Variants in AKAP6 observed in about 807,000 individuals in gnomAD.
AKAP6 encodes the protein A-kinase anchoring protein 6, also known as A-kinase anchor protein 6.
Under a neutral mutation model 188.5 loss-of-function variants are expected in AKAP6, and 58 were observed. The ratio of observed to expected loss-of-function variants is 0.31; its 90% confidence interval spans 0.25 to 0.38. The LOEUF is 0.38. Among genes scored for constraint, AKAP6 ranks in the 10% least tolerant of loss-of-function variants. The pLI is 1.00. For missense variants in AKAP6, 2,710 were observed against 2,740.0 expected, an observed-to-expected ratio of 0.99 and a Z score of 0.24; for synonymous variants, 989 against 998.6, an observed-to-expected ratio of 0.99 and a Z score of 0.18.
At chr14:32,351,264 G>A (rs1315097444) in intron 1 of AKAP6, among the ~76,000 whole-genome samples, 1 of 152,096 alleles carries the variant, frequency 6.6e-6, no homozygotes, top group Non-Finnish European at 1.5e-5. Context: ...TGTTATATTA[G>A]TCAAAATTAT....
intron 4 of AKAP6, among the ~76,000 whole-genome samples, chr14:32,552,532 AG>A (rs1883521488): frequency 1.3e-5 from 2 of 152,206 alleles, no homozygotes; most frequent in Admixed American, 6.5e-5. Context: ...ATAAAGACTA[AG>A]GGGAAAAAAC....
intron 2 of AKAP6, among the ~76,000 whole-genome samples, chr14:32,502,743 A>G (rs1470542909): frequency 1.3e-5 from 2 of 152,102 alleles, no homozygotes; most frequent in African/African-American, 4.8e-5. Context: ...AACTTTATAC[A>G]CCATGAAGAT....
In AKAP6 at chr14:32,773,831, G is replaced by A; in HGVS notation, c.3526G>A (p.Ala1176Thr). ...TGTAAATCTTGAAAGAAGGTGGGAA[G>A]CCATTGTCATGCAAGCCGTCCAGTG... The part of the protein sequence containing the change: ...IIVNLERRWE[A>T]IVMQAVQWQT... Residue 1176 changes from alanine (A) to threonine (T), a missense_variant, in exon 12 of 14, where the codon GCC becomes ACC. Transcript: ENST00000280979. The A allele has an allele frequency of 6.2e-7, 1 of 1,614,134 alleles. No homozygotes were observed. Among genetic ancestry groups the A allele is most frequent in the Non-Finnish European group, 8.5e-7 (1 of 1,180,002 alleles).
intron 3 of AKAP6, among the ~76,000 whole-genome samples, chr14:32,536,436 G>A (rs1169732789): frequency 6.6e-6 from 1 of 152,212 alleles, no homozygotes; most frequent in East Asian, 1.9e-4. Flanking sequence ...TAGCACTGGA[G>A]CAAAAAGCCC....
At chr14:32,472,949 C>A (rs1435689730) in intron 2 of AKAP6, among the ~76,000 whole-genome samples, 1 of 152,148 alleles carries the variant, frequency 6.6e-6, no homozygotes, top group African/African-American at 2.4e-5. Context: ...TGGAATGCCA[C>A]ATGGGTTACA....
chr14:32,677,385 A>C (rs939995492), intron 7 of AKAP6, among the ~76,000 whole-genome samples: 2 of 152,186 alleles, frequency 1.3e-5, no homozygotes, highest in Non-Finnish European at 2.9e-5. Context: ...AATATATAAT[A>C]AAATTGTAAA....
chr14:32,537,578 G>A (rs1310273029), intron 3 of AKAP6, among the ~76,000 whole-genome samples: 3 of 152,092 alleles, frequency 2.0e-5, no homozygotes, highest in African/African-American at 7.2e-5. Context: ...TTCCCCATTT[G>A]TTGTCCAACA....
chr14:32,523,417 A>G lies in AKAP6; in HGVS notation c.325-12137A>G, dbSNP rs1309476325. On this transcript the variant is annotated intron_variant, in intron 2 of 13. Coordinates refer to ENST00000280979, the MANE Select transcript of AKAP6 (RefSeq NM_004274.5). Reference sequence around the variant, plus strand: ...ACCAGCAATTACTAAAATAGTTGATATCACCAACTATCGAAAAAAGAACAA... The same window carrying G: ...ACCAGCAATTACTAAAATAGTTGATGTCACCAACTATCGAAAAAAGAACAA... Among the ~76,000 whole-genome samples the G allele has an allele frequency of 3.3e-5, 5 of 152,202 alleles. No homozygotes were observed. In the East Asian group the frequency reaches 7.7e-4, roughly 24 times the overall value.
At chr14:32,584,193 A>G (rs7145886) in intron 5 of AKAP6, among the ~76,000 whole-genome samples, 131,849 of 152,224 alleles carry the variant, frequency 0.87, 57,449 homozygotes, top group East Asian at 1. Flanking sequence ...AAGCCCCACA[A>G]TGGGTGCCTA....
intron 2 of AKAP6, among the ~76,000 whole-genome samples, chr14:32,489,660 A>G (rs1747369762): frequency 6.6e-6 from 1 of 152,246 alleles, no homozygotes; most frequent in East Asian, 1.9e-4. Context: ...TCTTGATCAG[A>G]GAAGAGTACG....
chr14:32,578,152 T>C (rs948513249), intron 5 of AKAP6, among the ~76,000 whole-genome samples: 2 of 152,134 alleles, frequency 1.3e-5, no homozygotes, highest in Non-Finnish European at 2.9e-5. Flanking sequence ...CCTACCTGTA[T>C]GCGAGTTCAC....
intron 12 of AKAP6, among the ~76,000 whole-genome samples, chr14:32,787,723 C>G (rs1047037213): frequency 6.6e-6 from 1 of 152,058 alleles, no homozygotes; most frequent in African/African-American, 2.4e-5. Flanking sequence ...TTATGCATGT[C>G]AAAAACAGCT....
chr14:32,534,713 C>A (rs763582823), intron 2 of AKAP6, among the ~76,000 whole-genome samples: 3 of 151,924 alleles, frequency 2.0e-5, no homozygotes, highest in Non-Finnish European at 4.4e-5. Flanking sequence ...GGCCTGTAAT[C>A]CCAGCACTTT....
At chr14:32,413,489 A>G (rs759072094) in intron 1 of AKAP6, among the ~76,000 whole-genome samples, 8 of 152,132 alleles carry the variant, frequency 5.3e-5, no homozygotes, top group Non-Finnish European at 8.8e-5. Flanking sequence ...GCCAAAAACC[A>G]TTCTTAAATC....
At chr14:32,649,696 C>A (rs1332893936) in intron 7 of AKAP6, among the ~76,000 whole-genome samples, 2 of 152,056 alleles carry the variant, frequency 1.3e-5, no homozygotes, top group African/African-American at 2.4e-5. Context: ...AAACATGGAA[C>A]AAATGTGCAA....
At chr14:32,378,787 T>A (rs74041610) in intron 1 of AKAP6, among the ~76,000 whole-genome samples, 121 of 152,350 alleles carry the variant, frequency 7.9e-4, no homozygotes, top group African/African-American at 2.6e-3. Context: ...TACTTTTATT[T>A]TGACACTCTC....
Position 32,684,644 on chromosome 14 carries a change from C to T in AKAP6, c.2879+6185C>T, listed in dbSNP as rs142337905. On this transcript the variant is annotated intron_variant, in intron 8 of 13. Transcript: ENST00000280979. ...GAATAGAATTCAAGTTAGCTCTCTG[C>T]TACTTTTTAGCTATGGAACCTTGAT... 9.4e-3 allele frequency among the ~76,000 whole-genome samples: 1,425 copies of T among 151,998 alleles called. 10 individuals are homozygous for T. The highest frequency in any genetic ancestry group is 0.015 in the Non-Finnish European group (995 of 67,986).
chr14:32,823,611 G>A lies in AKAP6; in HGVS notation c.5798G>A (p.Cys1933Tyr), dbSNP rs1267117378. Residue 1933 changes from cysteine to tyrosine, a missense_variant, in exon 13 of 14, where the codon TGT becomes TAT. By Grantham distance (194) the Cys-to-Tyr change is radical. Coordinates refer to ENST00000280979, the MANE Select transcript of AKAP6 (RefSeq NM_004274.5). Reference protein sequence around the residue: ...HGKEISESEHCKCKALMDSLD... With the variant: ...HGKEISESEHYKCKALMDSLD... ...AAAGAGATTTCAGAGAGTGAGCATTGTAAGTGTAAAGCACTTATGGATAGT... is the reference window on the plus strand; with the variant it reads ...AAAGAGATTTCAGAGAGTGAGCATTATAAGTGTAAAGCACTTATGGATAGT... The A allele has an allele frequency of 1.2e-6, 2 of 1,613,892 alleles. No homozygotes were observed. The highest frequency in any genetic ancestry group is 1.7e-4 in the Middle Eastern group (1 of 6,058).
rs1391821453 is a variant in AKAP6 at position 32,413,532 on chromosome 14, C to T, written c.-34-19928C>T. Among the ~76,000 whole-genome samples the T allele has an allele frequency of 1.3e-5, 2 of 152,122 alleles. 1 individual carries two copies. The highest frequency in any genetic ancestry group is 4.1e-4 in the South Asian group (2 of 4,820). ...TATACAGCCATAGAAGGAGGAACCT[C>T]ACAGTTACTGAATCACAAATTTCTC... is the stretch of plus-strand genomic sequence containing the variant. On this transcript the variant is annotated intron_variant, in intron 1 of 13. Coordinates refer to ENST00000280979, the MANE Select transcript of AKAP6 (RefSeq NM_004274.5).
Sources: gnomAD v4.1 joint callset for allele counts (sites outside exome capture counted in the v4.1 genomes callset) on GRCh38, gnomAD v4.1.1 for gene constraint, MANE v1.5 for transcripts, NCBI Gene and HGNC (gene_info 2026-07-23, HGNC 2026-07-21) for gene names.